The following RAB27B variants were observed in gnomAD, a reference collection of about 807,000 sequenced individuals.
RAB27B encodes ras-related protein Rab-27B.
A neutral mutation model predicts 24.6 loss-of-function variants in RAB27B; 15 were observed. The ratio of observed to expected loss-of-function variants is 0.61; its 90% CI spans 0.41 to 0.94. RAB27B has a LOEUF of 0.94. Ranked by LOEUF, RAB27B falls within the 40% of genes least tolerant of loss-of-function variation. The pLI is 0.00. For missense variants in RAB27B, 261 were observed against 266.8 expected, an observed-to-expected ratio of 0.98 and a Z score of 0.15; for synonymous variants, 105 against 92.5, an observed-to-expected ratio of 1.14 and a Z score of -0.78.
At chr18:54,745,877 GTATT>G (rs1910228488) in intron 2 of RAB27B, among the ~76,000 whole-genome samples, 1 of 145,646 alleles carries the variant, frequency 6.9e-6, no homozygotes, top group Admixed American at 6.9e-5. Context: ...ATAAATATAA[GTATT>G]TATAAATATT....
Position 54,865,403 on chromosome 18 carries a change from T to G in RAB27B, c.-19-12164T>G, listed in dbSNP as rs56156177. ...GTCTGGGGAAATAACCATGAAATTC[T>G]ATACCATAATGTTGTAAAGAACTAT... On this transcript the variant is annotated intron_variant, in intron 1 of 5. Transcript: ENST00000262094. 2.0e-5 allele frequency among the ~76,000 whole-genome samples: 3 copies of G among 152,056 alleles called. No homozygotes were observed. In the South Asian group the frequency reaches 6.2e-4, roughly 31 times the overall value.
chr18:54,831,304 G>A (rs772811663), intron 1 of RAB27B, among the ~76,000 whole-genome samples: 8 of 152,052 alleles, frequency 5.3e-5, no homozygotes, highest in Non-Finnish European at 7.4e-5. Flanking sequence ...AAGCATTCTG[G>A]CATCTTTCAG....
chr18:54,737,438 A>G (rs1473690575), intron 2 of RAB27B, among the ~76,000 whole-genome samples: 2 of 152,198 alleles, frequency 1.3e-5, no homozygotes, highest in Admixed American at 6.5e-5. Flanking sequence ...AGAGTTTTAT[A>G]TTAGCTAATG....
At chr18:54,763,659 G>C (rs1908267882) in intron 2 of RAB27B, among the ~76,000 whole-genome samples, 1 of 152,156 alleles carries the variant, frequency 6.6e-6, no homozygotes, top group African/African-American at 2.4e-5. Flanking sequence ...TCGAAGGAGA[G>C]AGAAACGGGT....
At chr18:54,825,824 C>T (rs1348026222), upstream of RAB27B, among the ~76,000 whole-genome samples, 1 of 152,158 alleles carries the variant, frequency 6.6e-6, no homozygotes, top group South Asian at 2.1e-4. Flanking sequence ...AATATACAGA[C>T]GTATAACCAA....
At chr18:54,810,108 G>C (rs911436745) in intron 2 of RAB27B, among the ~76,000 whole-genome samples, 1 of 152,168 alleles carries the variant, frequency 6.6e-6, no homozygotes, top group Non-Finnish European at 1.5e-5. Flanking sequence ...CAAGTGCCTA[G>C]AATGTACCCA....
intron 2 of RAB27B, among the ~76,000 whole-genome samples, chr18:54,770,420 T>C (rs1908506918): frequency 6.6e-6 from 1 of 152,032 alleles, no homozygotes; most frequent in African/African-American, 2.4e-5. Context: ...GTACTCCTTA[T>C]GATAATCTAA....
At chr18:54,793,088 C>G (rs1326423598) in intron 2 of RAB27B, among the ~76,000 whole-genome samples, 2 of 96,092 alleles carry the variant, frequency 2.1e-5, no homozygotes, top group African/African-American at 6.7e-5. Flanking sequence ...GTATAAGCAT[C>G]AACTGTAGTT....
At position 54,848,688 on chromosome 18, in the gene RAB27B, C is replaced by A. The variant is rs961957667; in HGVS notation, c.-20+19988C>A. 6.6e-5 allele frequency among the ~76,000 whole-genome samples: 10 copies of A among 152,238 alleles called. No homozygotes were observed. In the South Asian group the frequency reaches 8.3e-4, roughly 13 times the overall value. ...TAATGCAGATTAACTGTAGGCAGTA[C>A]CTTACCAGAATATAATGCATTCTGG... On this transcript the variant is annotated intron_variant, in intron 1 of 5. Transcript: ENST00000262094.
intron 1 of RAB27B, among the ~76,000 whole-genome samples, chr18:54,839,198 A>G (rs1329726852): frequency 2.6e-5 from 4 of 152,186 alleles, no homozygotes; most frequent in African/African-American, 4.8e-5. Context: ...GCTTCAAATT[A>G]TTATCAGCAA....
At position 54,788,898 on chromosome 18, in the gene RAB27B, C is replaced by A. The variant is rs369896033; in HGVS notation, c.-20+70757C>A. On this transcript the variant is annotated intron_variant, in intron 2 of 4. Transcript: ENST00000586570. Reference sequence around the variant, plus strand: ...TGCTCAAGGCTTGCATTGCAAGGAACTTGGTAGCACAGGAGTGGTCACTTG... The same window carrying A: ...TGCTCAAGGCTTGCATTGCAAGGAAATTGGTAGCACAGGAGTGGTCACTTG... 7.7e-4 allele frequency among the ~76,000 whole-genome samples: 117 copies of A among 152,268 alleles called. 1 individual carries two copies. In the South Asian group the frequency reaches 0.02, roughly 26 times the overall value.
At chr18:54,834,734 T>A (rs1407102124) in intron 1 of RAB27B, among the ~76,000 whole-genome samples, 1 of 148,780 alleles carries the variant, frequency 6.7e-6, no homozygotes, top group Non-Finnish European at 1.5e-5. Flanking sequence ...GATAGAAACA[T>A]ATGAACTCTA....
intron 2 of RAB27B, among the ~76,000 whole-genome samples, chr18:54,721,334 C>A (rs1463777376): frequency 6.6e-6 from 1 of 152,160 alleles, no homozygotes; most frequent in African/African-American, 2.4e-5. Flanking sequence ...TATACCTTCA[C>A]TCCTTTTCCC....
chr18:54,825,073 G>T (rs192331036), upstream of RAB27B, among the ~76,000 whole-genome samples: 26 of 152,120 alleles, frequency 1.7e-4, no homozygotes, highest in African/African-American at 5.8e-4. Context: ...ATCAAGCTTG[G>T]CTGACAGTTT....
At chr18:54,780,939 C>T (rs551757776) in intron 2 of RAB27B, among the ~76,000 whole-genome samples, 316 of 152,252 alleles carry the variant, frequency 2.1e-3, no homozygotes, top group Non-Finnish European at 3.2e-3. Flanking sequence ...TTCTACATAG[C>T]CTTATATTCA....
intron 2 of RAB27B, among the ~76,000 whole-genome samples, chr18:54,769,329 A>C (rs1382946300): frequency 6.6e-6 from 1 of 152,216 alleles, no homozygotes; most frequent in Non-Finnish European, 1.5e-5. Flanking sequence ...TGTCTGGGGC[A>C]GTCCACTGTG....
intron 2 of RAB27B, among the ~76,000 whole-genome samples, chr18:54,734,270 C>T (rs1429132269): frequency 1.3e-5 from 2 of 152,124 alleles, no homozygotes; most frequent in African/African-American, 2.4e-5. Flanking sequence ...ACTCACTCCA[C>T]TGTAGAGTCG....
chr18:54,757,238 C>A (rs1232306231), intron 2 of RAB27B, among the ~76,000 whole-genome samples: 1 of 152,096 alleles, frequency 6.6e-6, no homozygotes, highest in Admixed American at 6.6e-5. Context: ...GAATAGGGGA[C>A]CCTGGGAGCC....
chr18:54,853,691 T>C (rs1911673017), intron 1 of RAB27B, among the ~76,000 whole-genome samples: 1 of 152,218 alleles, frequency 6.6e-6, no homozygotes, highest in African/African-American at 2.4e-5. Context: ...TTACATACAG[T>C]GGGGTTTTTT....
Sources: allele counts gnomAD v4.1 joint callset (sites outside exome capture counted in the v4.1 genomes callset), GRCh38; gene constraint gnomAD v4.1.1; transcripts MANE v1.5; gene names NCBI Gene and HGNC (gene_info 2026-07-23, HGNC 2026-07-21).